The following TBC1D22A variants were observed in gnomAD, a reference collection of about 807,000 sequenced individuals.
The protein encoded by TBC1D22A is TBC1 domain family member 22A.
A neutral mutation model predicts 60.2 loss-of-function variants in TBC1D22A; 38 were observed. The ratio of observed to expected loss-of-function variants is 0.63; its 90% CI spans 0.49 to 0.83. The LOEUF is 0.83. Ranked by LOEUF, TBC1D22A falls within the 40% of genes least tolerant of loss-of-function variation. The pLI, the probability that TBC1D22A is intolerant of heterozygous loss-of-function variation, is 0.00. For synonymous variants in TBC1D22A, 302 were observed against 281.7 expected (o/e 1.07, Z -0.72); for missense variants, 628 against 701.0 (o/e 0.90, Z 1.18).
intron 11 of TBC1D22A, among the ~76,000 whole-genome samples, chr22:47,039,446 G>C (rs1434048590): frequency 6.6e-6 from 1 of 152,098 alleles, no homozygotes; most frequent in Non-Finnish European, 1.5e-5. Flanking sequence ...AGCCATTACA[G>C]GTTTTAGTTA....
At chr22:46,869,698 C>T (rs531364416) in intron 4 of TBC1D22A, among the ~76,000 whole-genome samples, 2 of 152,296 alleles carry the variant, frequency 1.3e-5, no homozygotes, top group Non-Finnish European at 2.9e-5. Flanking sequence ...ACATGTAAGC[C>T]TAAGTGATTG....
chr22:46,911,786 G>A (rs930246100), intron 7 of TBC1D22A, among the ~76,000 whole-genome samples: 4 of 152,008 alleles, frequency 2.6e-5, no homozygotes, highest in African/African-American at 7.3e-5. Context: ...AGGCATGGTA[G>A]CGCATGCCTG....
At chr22:46,923,308 C>T (rs1009657324) in intron 8 of TBC1D22A, among the ~76,000 whole-genome samples, 1 of 152,248 alleles carries the variant, frequency 6.6e-6, no homozygotes, top group Non-Finnish European at 1.5e-5. Context: ...GGAGAAGGAT[C>T]TCTCTACTTT....
chr22:47,035,211 C>T (rs540756316), intron 10 of TBC1D22A, among the ~76,000 whole-genome samples: 1 of 152,226 alleles, frequency 6.6e-6, no homozygotes, highest in Non-Finnish European at 1.5e-5. Context: ...GACCCCCACC[C>T]CCGCCTGCCT....
chr22:47,018,571 G>A (rs1423823068), intron 10 of TBC1D22A, among the ~76,000 whole-genome samples: 1 of 152,248 alleles, frequency 6.6e-6, no homozygotes. Context: ...ACATTCATGT[G>A]AGTCAGTCAC....
intron 1 of TBC1D22A, among the ~76,000 whole-genome samples, chr22:46,785,840 A>G (rs10222316): frequency 0.01 from 1,563 of 152,304 alleles, 22 homozygotes; most frequent in African/African-American, 0.036. Context: ...AGTTTTGCCA[A>G]CATGGCTCAC....
intron 10 of TBC1D22A, among the ~76,000 whole-genome samples, chr22:47,010,757 T>A (rs571039940): frequency 6.6e-6 from 1 of 152,338 alleles, no homozygotes; most frequent in East Asian, 1.9e-4. Flanking sequence ...GCTGATTTAA[T>A]GTGCTTTCCA....
chr22:46,940,570 ACACACATG>A (rs907308626), intron 8 of TBC1D22A, among the ~76,000 whole-genome samples: 6 of 146,818 alleles, frequency 4.1e-5, no homozygotes, highest in African/African-American at 1.5e-4. Flanking sequence ...ATACACACAC[ACACACATG>A]CACACACACA....
At chr22:46,763,183 T>G in intron 1 of TBC1D22A, 1 of 297,738 alleles carries the variant, frequency 3.4e-6, no homozygotes, top group South Asian at 7.6e-5. Context: ...TTTGGTGGAG[T>G]CCGGAAGCTG....
At chr22:47,001,515 C>T (rs1450116491) in intron 10 of TBC1D22A, among the ~76,000 whole-genome samples, 1 of 150,464 alleles carries the variant, frequency 6.6e-6, no homozygotes, top group Non-Finnish European at 1.5e-5. Flanking sequence ...TTGAAACTTA[C>T]CTCTTGTTTC....
At chr22:47,151,761 A>C (rs1343784591) in intron 12 of TBC1D22A, among the ~76,000 whole-genome samples, 1 of 152,222 alleles carries the variant, frequency 6.6e-6, no homozygotes, top group Non-Finnish European at 1.5e-5. Context: ...CTGGGGTTGA[A>C]GAAGACCCCT....
At chr22:46,772,609 T>TATATACGTATACACAC (rs2083534744) in intron 1 of TBC1D22A, among the ~76,000 whole-genome samples, 1 of 14,268 alleles carries the variant, frequency 7.0e-5, no homozygotes, top group Non-Finnish European at 1.6e-4. Flanking sequence ...CACATATACA[T>TATATACGTATACACAC]ATATACATAT....
At chr22:46,800,281 G>T (rs73477357) in intron 4 of TBC1D22A, among the ~76,000 whole-genome samples, 5,556 of 152,220 alleles carry the variant, frequency 0.036, 314 homozygotes, top group African/African-American at 0.12. Flanking sequence ...TGGGTGAGGC[G>T]AGAAGGCAGT....
At position 46,865,123 on chromosome 22, in the gene TBC1D22A, G is replaced by A. The variant is rs544699137; in HGVS notation, c.638-13530G>A. Among the ~76,000 whole-genome samples the A allele has an allele frequency of 2.6e-4, 39 of 152,306 alleles. 1 individual carries two copies. In the East Asian group the frequency reaches 6.4e-3, roughly 25 times the overall value. On this transcript the variant is annotated intron_variant, in intron 4 of 12. Transcript: ENST00000337137. ...TCCATTGGCTCCTCAGCACCTGTGT[G>A]TATAAATCCAGGTGGTTGGCACCTG...
chr22:46,999,829 T>G (rs905088997), intron 10 of TBC1D22A, among the ~76,000 whole-genome samples: 1 of 151,868 alleles, frequency 6.6e-6, no homozygotes, highest in African/African-American at 2.4e-5. Flanking sequence ...ATCGAGACCA[T>G]CCTGGTTAAC....
At chr22:47,123,176 C>T (rs2066332575) in intron 12 of TBC1D22A, among the ~76,000 whole-genome samples, 1 of 152,140 alleles carries the variant, frequency 6.6e-6, no homozygotes, top group Non-Finnish European at 1.5e-5. Flanking sequence ...TTACTCCTGG[C>T]CACCCAGCCC....
At chr22:46,891,111 G>T (rs1034891505) in intron 5 of TBC1D22A, among the ~76,000 whole-genome samples, 155 bp from the exon 6 acceptor site, 1 of 152,140 alleles carries the variant, frequency 6.6e-6, no homozygotes, top group African/African-American at 2.4e-5. Flanking sequence ...TCCTCTGTGT[G>T]TGTTTCTTTT....
At chr22:47,153,316 G>A (rs990680086) in intron 12 of TBC1D22A, among the ~76,000 whole-genome samples, 45 of 152,228 alleles carry the variant, frequency 3.0e-4, no homozygotes, top group African/African-American at 9.4e-4. Flanking sequence ...GGGAAATGCA[G>A]TATTTTAGCA....
chr22:47,045,880 C>A (rs1905057708), intron 11 of TBC1D22A, among the ~76,000 whole-genome samples: 1 of 152,122 alleles, frequency 6.6e-6, no homozygotes, highest in South Asian at 2.1e-4. Flanking sequence ...GTGGCTGCAG[C>A]CTTGTCTCCA....
Sources: allele counts gnomAD v4.1 joint callset (sites outside exome capture counted in the v4.1 genomes callset), GRCh38; gene constraint gnomAD v4.1.1; transcripts MANE v1.5; gene names NCBI Gene and HGNC (gene_info 2026-07-23, HGNC 2026-07-21).